The following WDFY4 variants were observed in gnomAD, a reference collection of about 807,000 sequenced individuals.
WDFY4 encodes WD repeat- and FYVE domain-containing protein 4.
In WDFY4, 169 loss-of-function variants were observed where a neutral mutation model predicts 351.9. The ratio of observed to expected loss-of-function variants is 0.48; its 90% CI spans 0.42 to 0.55. The LOEUF (loss-of-function observed/expected upper bound fraction) is 0.55. Among genes scored for constraint, WDFY4 ranks in the 20% least tolerant of loss-of-function variants. The pLI is 0.00. For synonymous variants in WDFY4, 1,622 were observed against 1,574.6 expected, an observed-to-expected ratio of 1.03 and a Z score of -0.71; for missense variants, 3,803 against 3,935.6, an observed-to-expected ratio of 0.97 and a Z score of 0.90.
intron 39 of WDFY4, among the ~76,000 whole-genome samples, chr10:48,837,003 G>A (rs1378910387): frequency 1.3e-5 from 2 of 152,102 alleles, no homozygotes; most frequent in African/African-American, 4.8e-5. Flanking sequence ...GTTTTGACAG[G>A]TACACCATGG....
chr10:48,964,434 G>A (rs1841990399), intron 54 of WDFY4, among the ~76,000 whole-genome samples: 1 of 152,224 alleles, frequency 6.6e-6, no homozygotes, highest in Admixed American at 6.5e-5. Flanking sequence ...AGCTATTAGT[G>A]TGATTATATC....
chr10:48,822,086 G>T (rs1176539629), intron 34 of WDFY4, among the ~76,000 whole-genome samples: 1 of 152,144 alleles, frequency 6.6e-6, no homozygotes, highest in African/African-American at 2.4e-5. Context: ...CTGCTCATTT[G>T]TCTCAAGCAG....
At chr10:48,703,174 C>CTATTTATT (rs201014045) in intron 1 of WDFY4, among the ~76,000 whole-genome samples, 3 of 152,042 alleles carry the variant, frequency 2.0e-5, no homozygotes, top group African/African-American at 4.8e-5. Context: ...AATGGCTTTG[C>CTATTTATT]TATTTATTTA....
At chr10:48,690,560 C>T (rs1020875054) in intron 1 of WDFY4, among the ~76,000 whole-genome samples, 1 of 152,152 alleles carries the variant, frequency 6.6e-6, no homozygotes, top group African/African-American at 2.4e-5. Flanking sequence ...GGTAGCTTCT[C>T]TCTATAGGCA....
In WDFY4 at chr10:48,731,434, T is replaced by A. The variant is rs1018349076; in HGVS notation, c.1454T>A (p.Met485Lys). The A allele has an allele frequency of 1.8e-5, 28 of 1,551,642 alleles. No individual in the cohort carries two copies. The African/African-American group carries it at 2.7e-4, about 15-fold the overall frequency. ...KESPGPSCTL[M>K]ALQSILSIAG... ...AGCCCTGGGCCATCCTGCACCCTCA[T>A]GGCCCTGCAGAGCATCCTCAGCATC... is the stretch of plus-strand genomic sequence containing the variant. The change falls in exon 9 of 62, where the codon ATG becomes AAG. Residue 485 changes from methionine to lysine, a missense_variant. By Grantham distance (95) the Met-to-Lys change is moderately conservative. Coordinates refer to ENST00000325239, the MANE Select transcript of WDFY4 (RefSeq NM_001394531.1).
At position 48,939,372 on chromosome 10, in the gene WDFY4, G is replaced by T. The variant is rs1840624179; in HGVS notation, c.7587-2434G>T. Among the ~76,000 whole-genome samples the T allele has an allele frequency of 2.0e-5, 3 of 152,314 alleles. No homozygotes were observed. In the South Asian group the frequency reaches 6.2e-4, roughly 32 times the overall value. ...TCCCACACCCCTGTGTGACAGGTGTGGCCAGTGTGTTGCAAGGATGATATG... is the reference window on the plus strand; with the variant it reads ...TCCCACACCCCTGTGTGACAGGTGTTGCCAGTGTGTTGCAAGGATGATATG... On this transcript the variant is annotated intron_variant, in intron 47 of 61. Transcript: ENST00000325239.
Position 48,982,592 on chromosome 10 carries a change from G to A in WDFY4, c.*17G>A. ...GATGGGTAGGAAGAGAGAGGCAGCAGAGGCTCTGGCACAACAGTGCCAGGC... is the reference window on the plus strand; with the variant it reads ...GATGGGTAGGAAGAGAGAGGCAGCAAAGGCTCTGGCACAACAGTGCCAGGC... On this transcript the variant is annotated 3_prime_UTR_variant, in exon 62 of 62. Transcript: ENST00000325239. 6.5e-7 allele frequency: 1 copy of A among 1,548,716 alleles called. No individual in the cohort carries two copies. Among genetic ancestry groups the A allele is most frequent in the Non-Finnish European group, 8.7e-7 (1 of 1,145,084 alleles).
chr10:48,927,666 A>G (rs117637466), intron 47 of WDFY4, among the ~76,000 whole-genome samples: 2,234 of 152,340 alleles, frequency 0.015, 21 homozygotes, highest in Non-Finnish European at 0.022. Flanking sequence ...GGCTCTGCAC[A>G]TGTGCTGCCT....
intron 19 of WDFY4, among the ~76,000 whole-genome samples, chr10:48,785,067 A>T (rs568276629): frequency 4.2e-5 from 6 of 143,284 alleles, no homozygotes; most frequent in Non-Finnish European, 6.1e-5. Context: ...TCACCATGTT[A>T]GCCAGGATGG....
intron 28 of WDFY4, among the ~76,000 whole-genome samples, chr10:48,809,660 A>G (rs2067383991): frequency 6.6e-6 from 1 of 152,174 alleles, no homozygotes; most frequent in South Asian, 2.1e-4. Context: ...GTTAATCACT[A>G]TCACCACCAC....
intron 12 of WDFY4, among the ~76,000 whole-genome samples, chr10:48,753,615 G>A (rs781119922): frequency 1.3e-5 from 2 of 152,166 alleles, no homozygotes; most frequent in East Asian, 1.9e-4. Context: ...ATTAGTTGAA[G>A]AGTCCCTTCT....
chr10:48,693,061 G>A (rs116602473), intron 1 of WDFY4, among the ~76,000 whole-genome samples: 2,149 of 152,270 alleles, frequency 0.014, 55 homozygotes, highest in African/African-American at 0.05. Flanking sequence ...CTGACTGAAG[G>A]CAGAGGGGTT....
At chr10:48,922,685 C>T (rs1394870409) in intron 47 of WDFY4, among the ~76,000 whole-genome samples, 2 of 152,078 alleles carry the variant, frequency 1.3e-5, no homozygotes, top group Non-Finnish European at 1.5e-5. Flanking sequence ...TGTGGGTAAG[C>T]GAGGACTGTG....
At chr10:48,866,995 A>C (rs2069568048) in intron 39 of WDFY4, among the ~76,000 whole-genome samples, 1 of 151,694 alleles carries the variant, frequency 6.6e-6, no homozygotes, top group Non-Finnish European at 1.5e-5. Flanking sequence ...ATGTGGTGAA[A>C]CCTGTCTCTA....
Position 48,731,132 on chromosome 10 carries a change from G to A in WDFY4, c.1152G>A (p.Gln384=). ...EASGVTVKNL[Q]AFQVLQNVFH... ...CAGGGGTGACTGTTAAGAATCTTCAGGCCTTCCAGGTCCTACAGAATGTTT... is the reference window on the plus strand; with the variant it reads ...CAGGGGTGACTGTTAAGAATCTTCAAGCCTTCCAGGTCCTACAGAATGTTT... Residue 384 remains glutamine (Q), a synonymous_variant, in exon 9 of 62, where the codon CAG becomes CAA. Coordinates refer to ENST00000325239, the MANE Select transcript of WDFY4 (RefSeq NM_001394531.1). The A allele has an allele frequency of 1.3e-6, 2 of 1,547,008 alleles. No homozygotes were observed. Among genetic ancestry groups the A allele is most frequent in the Non-Finnish European group, 1.7e-6 (2 of 1,143,596 alleles).
intron 13 of WDFY4, among the ~76,000 whole-genome samples, chr10:48,762,475 A>T (rs2065538516): frequency 6.6e-6 from 1 of 152,230 alleles, no homozygotes; most frequent in African/African-American, 2.4e-5. Context: ...AAACTGGGAT[A>T]GGAAGTTAAA....
At chr10:48,788,484 G>C in intron 20 of WDFY4, 46 bp from the exon 21 acceptor site, 2 of 1,535,238 alleles carry the variant, frequency 1.3e-6, no homozygotes, top group Non-Finnish European at 1.8e-6. Context: ...TTAATTTCCT[G>C]CTCTGTAAAG....
intron 49 of WDFY4, among the ~76,000 whole-genome samples, chr10:48,944,497 A>G (rs969712230): frequency 9.2e-5 from 14 of 152,248 alleles, no homozygotes; most frequent in Non-Finnish European, 1.8e-4. Context: ...GTGCTGGGCC[A>G]TATGTAAAGC....
At chr10:48,741,486 C>A (rs2064849931) in intron 11 of WDFY4, among the ~76,000 whole-genome samples, 1 of 146,488 alleles carries the variant, frequency 6.8e-6, no homozygotes, top group African/African-American at 2.5e-5. Flanking sequence ...AAAAATGGAG[C>A]TCCCAAAGTG....
Sources: gnomAD v4.1 joint callset for allele counts (sites outside exome capture counted in the v4.1 genomes callset) on GRCh38, gnomAD v4.1.1 for gene constraint, MANE v1.5 for transcripts, NCBI Gene and HGNC (gene_info 2026-07-23, HGNC 2026-07-21) for gene names.